The following DIAPH3 variants were observed in gnomAD, a reference collection of about 807,000 sequenced individuals.
The protein encoded by DIAPH3 is diaphanous related formin 3.
DIAPH3 carries 117 observed loss-of-function variants against 144.3 expected under a neutral mutation model. That is an observed-to-expected ratio of 0.81 (90% CI 0.70 to 0.95). The LOEUF (loss-of-function observed/expected upper bound fraction) is 0.95. Among genes scored for constraint, DIAPH3 ranks in the 40% least tolerant of loss-of-function variants. The pLI, the probability that DIAPH3 is intolerant of heterozygous loss-of-function variation, is 0.00. For synonymous variants in DIAPH3, 519 were observed against 488.9 expected, an observed-to-expected ratio of 1.06 and a Z score of -0.81; for missense variants, 1,421 against 1,412.7, an observed-to-expected ratio of 1.01 and a Z score of -0.09.
chr13:60,139,039 A>C (rs1428904057), intron 1 of DIAPH3, among the ~76,000 whole-genome samples: 3 of 152,222 alleles, frequency 2.0e-5, no homozygotes, highest in Non-Finnish European at 4.4e-5. Flanking sequence ...CTTAACGTCA[A>C]CACCAATTAT....
intron 27 of DIAPH3, among the ~76,000 whole-genome samples, chr13:59,699,861 C>T (rs748177671): frequency 3.1e-4 from 47 of 152,288 alleles, no homozygotes; most frequent in African/African-American, 8.4e-4. Context: ...CTGCTCCAAC[C>T]GCACACACAC....
At chr13:59,729,973 T>G (rs185011330) in intron 27 of DIAPH3, among the ~76,000 whole-genome samples, 1 of 151,968 alleles carries the variant, frequency 6.6e-6, no homozygotes, top group African/African-American at 2.4e-5. Context: ...AAAATAAAAT[T>G]CAGATGGATC....
chr13:59,774,689 G>A (rs369382898), intron 26 of DIAPH3, 39 bp downstream of exon 26: 2 of 1,551,114 alleles, frequency 1.3e-6, no homozygotes, highest in Non-Finnish European at 1.8e-6. Context: ...CTCTGTGATA[G>A]CTCCCTAGAA....
chr13:60,110,570 A>G (rs1223019326), intron 3 of DIAPH3, among the ~76,000 whole-genome samples: 1 of 152,188 alleles, frequency 6.6e-6, no homozygotes, highest in Non-Finnish European at 1.5e-5. Flanking sequence ...CCTACAGAGT[A>G]CTGTAGTATA....
intron 4 of DIAPH3, among the ~76,000 whole-genome samples, chr13:60,092,127 C>G (rs2057957363): frequency 6.6e-6 from 1 of 152,014 alleles, no homozygotes; most frequent in Non-Finnish European, 1.5e-5. Flanking sequence ...CCATTTAACT[C>G]TGATAATGAG....
At chr13:59,812,124 T>C (rs2040508453) in intron 24 of DIAPH3, among the ~76,000 whole-genome samples, 1 of 152,166 alleles carries the variant, frequency 6.6e-6, no homozygotes, top group Admixed American at 6.5e-5. Flanking sequence ...GTATTCTTTA[T>C]TTTAACCCTA....
At chr13:59,876,413 G>A (rs1288340581) in intron 21 of DIAPH3, among the ~76,000 whole-genome samples, 1 of 152,168 alleles carries the variant, frequency 6.6e-6, no homozygotes, top group East Asian at 1.9e-4. Flanking sequence ...CTCTTTATCT[G>A]CAGACAGATT....
At chr13:59,887,758 AT>A (rs956506978) in intron 20 of DIAPH3, among the ~76,000 whole-genome samples, 47 of 151,930 alleles carry the variant, frequency 3.1e-4, no homozygotes, top group East Asian at 7.7e-4. Context: ...GAATTTACTG[AT>A]TTTTTTTGTA....
intron 21 of DIAPH3, among the ~76,000 whole-genome samples, chr13:59,862,394 G>C (rs541243687): frequency 6.6e-6 from 1 of 152,146 alleles, no homozygotes; most frequent in South Asian, 2.1e-4. Context: ...CAGTGAGTGT[G>C]GCTAAAAAGA....
In DIAPH3 at chr13:59,697,779, T is replaced by C. The variant is rs148843086; in HGVS notation, c.3320-30933A>G. On this transcript the variant is annotated intron_variant, in intron 27 of 27. Transcript: ENST00000400324. ...CTATGAGAAAAAGATTACCTATTGA[T>C]AAAAGGAAAGGATAAATGTTCAGGA... Among the ~76,000 whole-genome samples, 191 of 152,248 alleles carry C rather than the reference T, an allele frequency of 1.3e-3. 1 individual carries two copies. Among genetic ancestry groups the C allele is most frequent in the African/African-American group, 4.4e-3 (182 of 41,548 alleles).
At chr13:59,934,653 C>T (rs906938359) in intron 17 of DIAPH3, among the ~76,000 whole-genome samples, 5 of 151,992 alleles carry the variant, frequency 3.3e-5, no homozygotes, top group African/African-American at 1.2e-4. Flanking sequence ...ACCAGAACGG[C>T]CCTTCAGTAT....
intron 27 of DIAPH3, among the ~76,000 whole-genome samples, chr13:59,694,287 C>T (rs1296873138): frequency 7.2e-5 from 11 of 152,166 alleles, no homozygotes; most frequent in African/African-American, 2.2e-4. Context: ...ATGAAAATCT[C>T]GTCTCAGGTC....
intron 3 of DIAPH3, among the ~76,000 whole-genome samples, chr13:60,110,074 T>C (rs1221673653): frequency 2.6e-5 from 4 of 152,204 alleles, no homozygotes; most frequent in African/African-American, 9.6e-5. Flanking sequence ...GTTGAAGTTA[T>C]TACACTGTAC....
At chr13:59,917,746 C>T (rs1593975061) in intron 18 of DIAPH3, among the ~76,000 whole-genome samples, 1 of 151,330 alleles carries the variant, frequency 6.6e-6, no homozygotes, top group South Asian at 2.1e-4. Flanking sequence ...AAAAATTAGC[C>T]AGGTATGGTG....
chr13:59,824,589 C>A (rs141302653), intron 24 of DIAPH3, among the ~76,000 whole-genome samples: 1 of 152,070 alleles, frequency 6.6e-6, no homozygotes, highest in South Asian at 2.1e-4. Flanking sequence ...CTTTGAGGGT[C>A]ATCACAGGCA....
At chr13:60,124,938 A>G (rs1340590302) in intron 2 of DIAPH3, among the ~76,000 whole-genome samples, 1 of 152,162 alleles carries the variant, frequency 6.6e-6, no homozygotes, top group Non-Finnish European at 1.5e-5. Context: ...TGCTTTTGAT[A>G]AAGATCATGT....
intron 1 of DIAPH3, among the ~76,000 whole-genome samples, chr13:60,135,512 A>T (rs754207996): frequency 1.3e-5 from 2 of 152,182 alleles, no homozygotes; most frequent in African/African-American, 4.8e-5. Flanking sequence ...GAGAGAAAAG[A>T]AGGTCAAATT....
chr13:59,852,985 CT>C (rs1306783707), intron 22 of DIAPH3, among the ~76,000 whole-genome samples: 10 of 152,156 alleles, frequency 6.6e-5, no homozygotes, highest in African/African-American at 2.4e-4. Context: ...ACTTTTCAAA[CT>C]TGATAAACAT....
chr13:59,825,472 T>C (rs1326242979), intron 24 of DIAPH3, among the ~76,000 whole-genome samples: 1 of 152,210 alleles, frequency 6.6e-6, no homozygotes, highest in African/African-American at 2.4e-5. Context: ...GTCTTTGCTA[T>C]TGTGAATAGT....
Sources: gnomAD v4.1 joint callset for allele counts (sites outside exome capture counted in the v4.1 genomes callset) on GRCh38, gnomAD v4.1.1 for gene constraint, MANE v1.5 for transcripts, NCBI Gene and HGNC (gene_info 2026-07-23, HGNC 2026-07-21) for gene names.